RAD51B: variants seen among roughly 807,000 people sequenced by gnomAD.
RAD51B encodes the protein RAD51 paralog B, also known as DNA repair protein RAD51 homolog 2.
RAD51B carries 38 observed loss-of-function variants against 42.2 expected under a neutral mutation model. That is an observed-to-expected ratio of 0.90 (90% CI 0.70 to 1.18). RAD51B has a LOEUF of 1.18. RAD51B is among the 50% of genes most tolerant of loss of function. RAD51B has a pLI of 0.00. For missense variants in RAD51B, 373 were observed against 400.7 expected (o/e 0.93, Z 0.59); for synonymous variants, 154 against 145.2 (o/e 1.06, Z -0.43).
chr14:68,339,019 G>T, intron 8 of RAD51B: 1 of 658,202 alleles, frequency 1.5e-6, no homozygotes, highest in Non-Finnish European at 2.8e-6. Flanking sequence ...GGGGCAGGCA[G>T]GCAGAAGACA....
intron 7 of RAD51B, among the ~76,000 whole-genome samples, chr14:67,921,479 A>G (rs1424750567): frequency 1.3e-5 from 2 of 151,994 alleles, no homozygotes; most frequent in Non-Finnish European, 2.9e-5. Flanking sequence ...CAAATGTTCT[A>G]GTTGATGTGA....
chr14:67,857,944 C>T (rs898491120), intron 4 of RAD51B: 1 of 152,482 alleles, frequency 6.6e-6, no homozygotes, highest in Non-Finnish European at 1.5e-5. Context: ...CAGGAGCAAG[C>T]TCTGTGTGGG....
intron 7 of RAD51B, among the ~76,000 whole-genome samples, chr14:68,097,140 A>G (rs541836167): frequency 6.6e-6 from 1 of 152,276 alleles, no homozygotes; most frequent in Admixed American, 6.5e-5. Context: ...ATACAATTTT[A>G]GAATTGTTGA....
intron 7 of RAD51B, among the ~76,000 whole-genome samples, chr14:68,204,464 T>C (rs537419134): frequency 6.6e-6 from 1 of 152,322 alleles, no homozygotes; most frequent in South Asian, 2.1e-4. Context: ...CATAATAACA[T>C]AATCATAATT....
chr14:68,262,744 G>A (rs2080914496), intron 7 of RAD51B, among the ~76,000 whole-genome samples: 1 of 152,160 alleles, frequency 6.6e-6, no homozygotes, highest in Non-Finnish European at 1.5e-5. Context: ...CTTCTCTCCT[G>A]AAGCTAAGGA....
At chr14:68,529,394 C>T (rs537841447) in intron 10 of RAD51B, among the ~76,000 whole-genome samples, 2 of 152,298 alleles carry the variant, frequency 1.3e-5, no homozygotes, top group South Asian at 2.1e-4. Context: ...GACAGGGTTT[C>T]GCCATGTTGG....
chr14:68,459,682 A>T (rs907466286), intron 9 of RAD51B, among the ~76,000 whole-genome samples: 7 of 152,262 alleles, frequency 4.6e-5, no homozygotes, highest in Non-Finnish European at 1.0e-4. Flanking sequence ...GAAATTGTGT[A>T]TGGATGCAAA....
Position 67,915,956 on chromosome 14 carries a change from C to A in RAD51B, c.756+28752C>A, listed in dbSNP as rs1398804430. 2.0e-5 allele frequency among the ~76,000 whole-genome samples: 3 copies of A among 152,250 alleles called. No homozygotes were observed. The East Asian group carries it at 5.8e-4, about 29-fold the overall frequency. ...ATAGTCCAGCTAAAATACACAATAG[C>A]ACATGTTTAAAGTACATCTTTGGAA... On this transcript the variant is annotated intron_variant, in intron 7 of 10. Transcript: ENST00000471583.
At chr14:68,400,677 A>G (rs1594783894) in intron 8 of RAD51B, among the ~76,000 whole-genome samples, 1 of 152,188 alleles carries the variant, frequency 6.6e-6, no homozygotes, top group Non-Finnish European at 1.5e-5. Flanking sequence ...GAAAAAAAAC[A>G]TATTTTATGC....
intron 8 of RAD51B, among the ~76,000 whole-genome samples, chr14:68,409,528 A>G (rs1340656696): frequency 6.6e-6 from 1 of 152,214 alleles, no homozygotes; most frequent in East Asian, 1.9e-4. Context: ...AGGCAGAAAA[A>G]GGAAAGGAGT....
At chr14:68,235,731 AAG>A in intron 7 of RAD51B, among the ~76,000 whole-genome samples, 1 of 149,254 alleles carries the variant, frequency 6.7e-6, no homozygotes. Flanking sequence ...AAAAAAAAAA[AAG>A]AGCTGAGATC....
intron 9 of RAD51B, among the ~76,000 whole-genome samples, chr14:68,443,289 C>A (rs934153321): frequency 6.6e-6 from 1 of 152,138 alleles, no homozygotes; most frequent in Non-Finnish European, 1.5e-5. Flanking sequence ...GGCTTCCCAT[C>A]GAGTCAGCAC....
downstream of RAD51B, among the ~76,000 whole-genome samples, chr14:68,613,738 G>A (rs1566955626): frequency 1.3e-5 from 2 of 152,122 alleles, no homozygotes; most frequent in Non-Finnish European, 2.9e-5. Flanking sequence ...ACAGGCGTGA[G>A]CCACCCTGCC....
chr14:68,218,289 A>T (rs140297054), intron 7 of RAD51B, among the ~76,000 whole-genome samples: 71 of 152,342 alleles, frequency 4.7e-4, no homozygotes, highest in Non-Finnish European at 9.3e-4. Flanking sequence ...TCCCCTTTCC[A>T]AGTGAGTACC....
intron 7 of RAD51B, among the ~76,000 whole-genome samples, chr14:68,224,918 C>T (rs1225708362): frequency 6.6e-6 from 1 of 152,072 alleles, no homozygotes; most frequent in Non-Finnish European, 1.5e-5. Flanking sequence ...GTCTTGAACT[C>T]CTGATCTCGT....
intron 7 of RAD51B, among the ~76,000 whole-genome samples, chr14:68,186,842 C>T (rs1366401558): frequency 1.3e-5 from 2 of 152,188 alleles, no homozygotes. Flanking sequence ...TATCATTTGA[C>T]CCAGCAATTC....
intron 10 of RAD51B, among the ~76,000 whole-genome samples, chr14:68,649,270 C>T (rs926365763): frequency 2.0e-5 from 3 of 152,170 alleles, no homozygotes; most frequent in African/African-American, 4.8e-5. Flanking sequence ...AACAGAAACC[C>T]ACCCAAGCTA....
intron 9 of RAD51B, among the ~76,000 whole-genome samples, chr14:68,419,024 G>T (rs1296598432): frequency 1.3e-5 from 2 of 152,162 alleles, no homozygotes; most frequent in African/African-American, 4.8e-5. Flanking sequence ...AGGTGTTTGT[G>T]AACAATGAAG....
intron 7 of RAD51B, among the ~76,000 whole-genome samples, chr14:67,967,724 T>C (rs138550482): frequency 0.071 from 10,796 of 152,136 alleles, 945 homozygotes; most frequent in African/African-American, 0.21. Flanking sequence ...AGGGTATAGC[T>C]CCCCTCCTGG....
Sources: gnomAD v4.1 joint callset for allele counts (sites outside exome capture counted in the v4.1 genomes callset) on GRCh38, gnomAD v4.1.1 for gene constraint, MANE v1.5 for transcripts, NCBI Gene and HGNC (gene_info 2026-07-23, HGNC 2026-07-21) for gene names.